Variants in GABRG3 observed in about 807,000 individuals in gnomAD.
GABRG3 encodes the protein gamma-aminobutyric acid receptor subunit gamma-3.
GABRG3 carries 25 observed loss-of-function variants against 48.8 expected under a neutral mutation model. The ratio of observed to expected loss-of-function variants is 0.51; its 90% confidence interval spans 0.37 to 0.72. GABRG3 has a LOEUF of 0.72. Among genes scored for constraint, GABRG3 ranks in the 30% least tolerant of loss-of-function variants. GABRG3 has a pLI of 0.00. For missense variants in GABRG3, 394 were observed against 577.9 expected (o/e 0.68, Z 3.26); for synonymous variants, 227 against 217.6 (o/e 1.04, Z -0.38).
chr15:27,308,121 CATAT>C lies in GABRG3; in HGVS notation c.271-18684_271-18681del, dbSNP rs1402850349. Among the ~76,000 whole-genome samples the C allele has an allele frequency of 7.6e-5, 9 of 119,190 alleles. 1 individual carries two copies. In the South Asian group the frequency reaches 1.0e-3, roughly 13 times the overall value. 78.2% of individuals were successfully genotyped at this position (119,190 alleles called of 152,430 possible). A position where few individuals can be genotyped will look rare whatever the true frequency, so the allele number is the denominator to read the frequency against. ...AAACATATATGTTTATACATCCAAA[CATAT>C]ATAAACATATATGTTTATACATCCA... On this transcript the variant is annotated intron_variant, in intron 3 of 9. Coordinates refer to ENST00000615808, the MANE Select transcript of GABRG3 (RefSeq NM_033223.5).
At chr15:27,350,035 G>A in intron 5 of GABRG3, 1 of 452,660 alleles carries the variant, frequency 2.2e-6, no homozygotes, top group South Asian at 1.6e-5. Flanking sequence ...TACCAGGTTA[G>A]GGTTGCAGTT....
chr15:27,260,296 T>C (rs1181132515), intron 3 of GABRG3, among the ~76,000 whole-genome samples: 1 of 152,122 alleles, frequency 6.6e-6, no homozygotes, highest in Non-Finnish European at 1.5e-5. Flanking sequence ...CATCTATTTT[T>C]TCGAATGAGG....
At chr15:27,167,939 A>G (rs910433604) in intron 3 of GABRG3, among the ~76,000 whole-genome samples, 3 of 152,202 alleles carry the variant, frequency 2.0e-5, no homozygotes, top group African/African-American at 4.8e-5. Flanking sequence ...GGGACTGCAG[A>G]AGAGGCTCCC....
chr15:27,079,567 G>T (rs1896959397), intron 3 of GABRG3, among the ~76,000 whole-genome samples: 1 of 152,104 alleles, frequency 6.6e-6, no homozygotes, highest in South Asian at 2.1e-4. Flanking sequence ...AATCTATCAA[G>T]CAGCTTGGAT....
chr15:27,289,413 A>G lies in GABRG3; in HGVS notation c.271-37396A>G, dbSNP rs185997159. Among the ~76,000 whole-genome samples, 33 of 152,166 alleles carry G rather than the reference A, an allele frequency of 2.2e-4. 1 individual carries two copies. The East Asian group carries it at 5.0e-3, about 23-fold the overall frequency. On this transcript the variant is annotated intron_variant, in intron 3 of 9. Coordinates refer to ENST00000615808, the MANE Select transcript of GABRG3 (RefSeq NM_033223.5). The stretch of plus-strand genomic sequence containing the variant: ...TTTCTGGCACTTTACCTTGTCATCT[A>G]TATTATTCTGTTAAGTTGCCCTATA...
intron 3 of GABRG3, among the ~76,000 whole-genome samples, chr15:27,056,782 T>TA: frequency 6.6e-6 from 1 of 152,306 alleles, no homozygotes; most frequent in Middle Eastern, 3.4e-3. Context: ...TATTCTGCAA[T>TA]AAATGGAACT....
chr15:27,485,178 A>C (rs1445515830), intron 6 of GABRG3, among the ~76,000 whole-genome samples: 1 of 152,184 alleles, frequency 6.6e-6, no homozygotes, highest in Non-Finnish European at 1.5e-5. Flanking sequence ...TGCCATGCAT[A>C]TGATGCGATG....
At chr15:27,058,318 C>T (rs879420109) in intron 3 of GABRG3, among the ~76,000 whole-genome samples, 1 of 152,192 alleles carries the variant, frequency 6.6e-6, no homozygotes, top group Non-Finnish European at 1.5e-5. Flanking sequence ...CTCCGCACAG[C>T]AGAGCTCAGA....
At chr15:27,017,506 C>T (rs1895802424) in intron 2 of GABRG3, among the ~76,000 whole-genome samples, 1 of 152,172 alleles carries the variant, frequency 6.6e-6, no homozygotes, top group South Asian at 2.1e-4. Context: ...CAACCTGCCA[C>T]TCTGTTCCTC....
At chr15:27,399,104 G>C (rs1887405349) in intron 5 of GABRG3, among the ~76,000 whole-genome samples, 1 of 152,070 alleles carries the variant, frequency 6.6e-6, no homozygotes, top group African/African-American at 2.4e-5. Context: ...GAGAACAATG[G>C]GTTCAAAAGC....
chr15:27,083,860 C>G (rs537504712), intron 3 of GABRG3, among the ~76,000 whole-genome samples: 1 of 152,198 alleles, frequency 6.6e-6, no homozygotes, highest in East Asian at 1.9e-4. Context: ...TCCCACACTT[C>G]TCTTTCTTTA....
chr15:27,354,758 A>T (rs764832169), intron 5 of GABRG3, among the ~76,000 whole-genome samples: 3 of 152,230 alleles, frequency 2.0e-5, no homozygotes, highest in Admixed American at 6.5e-5. Flanking sequence ...TTAAAGTATG[A>T]TTCAATTCCC....
At chr15:27,145,603 C>CTCTATCTATCTATCATCTATCTATCTA (rs1555405980) in intron 3 of GABRG3, among the ~76,000 whole-genome samples, 1 of 102,298 alleles carries the variant, frequency 9.8e-6, no homozygotes. Flanking sequence ...ATATATCTAT[C>CTCTATCTATCTATCATCTATCTATCTA]TCTATCTATC....
At chr15:27,452,764 G>A (rs1299393093) in intron 5 of GABRG3, among the ~76,000 whole-genome samples, 2 of 152,166 alleles carry the variant, frequency 1.3e-5, no homozygotes, top group Non-Finnish European at 2.9e-5. Flanking sequence ...CACTTGTGCA[G>A]TTCAAACCCA....
At chr15:27,303,249 T>G (rs1449231916) in intron 3 of GABRG3, among the ~76,000 whole-genome samples, 1 of 151,154 alleles carries the variant, frequency 6.6e-6, no homozygotes, top group African/African-American at 2.4e-5. Flanking sequence ...AGACACAAAT[T>G]ACCAATATCA....
At chr15:27,415,618 T>G (rs997934309) in intron 5 of GABRG3, among the ~76,000 whole-genome samples, 3 of 152,114 alleles carry the variant, frequency 2.0e-5, no homozygotes, top group African/African-American at 7.2e-5. Context: ...AACTTGTCCA[T>G]GTAACCAAAC....
intron 3 of GABRG3, among the ~76,000 whole-genome samples, chr15:27,070,337 A>G (rs1460060341): frequency 1.3e-5 from 2 of 152,226 alleles, no homozygotes; most frequent in Admixed American, 1.3e-4. Context: ...TCAAGAGGTT[A>G]TGACCATATG....
chr15:27,356,468 G>A (rs1412220039), intron 5 of GABRG3, among the ~76,000 whole-genome samples: 2 of 152,084 alleles, frequency 1.3e-5, no homozygotes, highest in Non-Finnish European at 2.9e-5. Context: ...ATGGTCCCTC[G>A]GCTCTTCTCT....
At chr15:27,205,801 G>A (rs1772379855) in intron 3 of GABRG3, among the ~76,000 whole-genome samples, 1 of 151,694 alleles carries the variant, frequency 6.6e-6, no homozygotes, top group South Asian at 2.1e-4. Flanking sequence ...ATCTTGGGAG[G>A]TTTTATGTTT....
Sources: allele counts gnomAD v4.1 joint callset (sites outside exome capture counted in the v4.1 genomes callset), GRCh38; gene constraint gnomAD v4.1.1; transcripts MANE v1.5; gene names NCBI Gene and HGNC (gene_info 2026-07-23, HGNC 2026-07-21).